CACNA1B: variants seen among roughly 807,000 people sequenced by gnomAD.
CACNA1B encodes calcium voltage-gated channel subunit alpha1 B.
CACNA1B carries 70 observed loss-of-function variants against 247.2 expected under a neutral mutation model. The ratio of observed to expected loss-of-function variants is 0.28; its 90% confidence interval spans 0.23 to 0.35. The LOEUF is 0.35. Among genes scored for constraint, CACNA1B ranks in the 10% least tolerant of loss-of-function variants. The probability of loss-of-function intolerance (pLI) is 1.00; values close to 1 mark genes in which losing one functional copy is unlikely to be tolerated. For synonymous variants in CACNA1B, 1,231 were observed against 1,294.4 expected (o/e 0.95, Z 1.05); for missense variants, 2,367 against 3,197.4 (o/e 0.74, Z 6.26).
Position 137,917,127 on chromosome 9 carries a change from G to T in CACNA1B, c.776-114G>T. The T allele has an allele frequency of 1.2e-6, 1 of 867,964 alleles. No homozygotes were observed. Among genetic ancestry groups the T allele is most frequent in the Non-Finnish European group, 1.8e-6 (1 of 562,640 alleles). 53.8% of individuals were successfully genotyped at this position (867,964 alleles called of 1,614,324 possible). On this transcript the variant is annotated intron_variant, in intron 5 of 46. Coordinates refer to ENST00000371372, the MANE Select transcript of CACNA1B (RefSeq NM_000718.4). The surrounding 1 kb of genome is among the most constrained non-coding windows in gnomAD (Gnocchi z 5.5). ...GGGAAGTTGAGGGAGAGTTTCTGTTGGTGGCTGGTTCCTGCCCACCTGCTG... is the reference window on the plus strand; with the variant it reads ...GGGAAGTTGAGGGAGAGTTTCTGTTTGTGGCTGGTTCCTGCCCACCTGCTG...
In CACNA1B at chr9:137,989,181, C is replaced by T. The variant is rs145730237; in HGVS notation, c.1974+2327C>T. The stretch of plus-strand genomic sequence containing the variant: ...ATCCTCCAAGGGGTAAAGGGGGAAC[C>T]AGTTAAAAACACAAAATTATGAAAA... On this transcript the variant is annotated intron_variant, in intron 15 of 46. Transcript: ENST00000371372. 3.0e-3 allele frequency among the ~76,000 whole-genome samples: 462 copies of T among 152,268 alleles called. 4 individuals are homozygous for T. Among genetic ancestry groups the T allele is most frequent in the Admixed American group, 0.028 (429 of 15,300 alleles).
intron 6 of CACNA1B, among the ~76,000 whole-genome samples, chr9:137,930,183 G>A (rs1957593398): frequency 6.6e-6 from 1 of 152,132 alleles, no homozygotes; most frequent in Admixed American, 6.6e-5. Context: ...TCACGCTGGG[G>A]GTTTAGATGA....
chr9:138,071,649 T>G (rs1564271970), intron 32 of CACNA1B, among the ~76,000 whole-genome samples: 1 of 152,126 alleles, frequency 6.6e-6, no homozygotes, highest in Admixed American at 6.5e-5. Flanking sequence ...CAGAAAGTGA[T>G]GGTGGCTGAG....
Position 137,913,269 on chromosome 9 carries a change from C to G in CACNA1B, c.620C>G (p.Pro207Arg). 1.2e-6 allele frequency: 2 copies of G among 1,612,646 alleles called. No homozygotes were observed. The highest frequency in any genetic ancestry group is 1.7e-6 in the Non-Finnish European group (2 of 1,178,788). ...LRPLKLVSGI[P>R]SLQVVLKSIM... ...CCCCTGAAGCTGGTGTCTGGGATTC[C>G]AAGTGAGTCCAGCGAAGACAGGCCC... Residue 207 changes from proline (P) to arginine (R), a missense_variant and splice_region_variant, in exon 4 of 47, where the codon CCA becomes CGA. Around this residue, in one of 12 missense-constraint regions of CACNA1B, gnomAD observed 130 missense variants for 338.7 expected, o/e 0.38. Transcript: ENST00000371372. The surrounding 1 kb of genome is among the most constrained non-coding windows in gnomAD (Gnocchi z 5.2).
chr9:137,913,342 T>C lies in CACNA1B; in HGVS notation c.622+71T>C. ...TCCTCTCCTACCCTCACCACGGACATGGCCATGGCCATGGTTTGGCTTTGG... is the reference window on the plus strand; with the variant it reads ...TCCTCTCCTACCCTCACCACGGACACGGCCATGGCCATGGTTTGGCTTTGG... On this transcript the variant is annotated intron_variant, in intron 4 of 46. Transcript: ENST00000371372. The surrounding 1 kb of genome is among the most constrained non-coding windows in gnomAD (Gnocchi z 5.2). The C allele has an allele frequency of 8.6e-7, 1 of 1,157,056 alleles. No individual in the cohort carries two copies. Among genetic ancestry groups the C allele is most frequent in the Non-Finnish European group, 1.3e-6 (1 of 784,232 alleles). 71.7% of individuals were successfully genotyped at this position (1,157,056 alleles called of 1,614,324 possible).
chr9:138,034,150 C>CCTTA (rs1959016007), intron 20 of CACNA1B, among the ~76,000 whole-genome samples: 1 of 152,154 alleles, frequency 6.6e-6, no homozygotes, highest in South Asian at 2.1e-4. Context: ...TGGAGATAGA[C>CCTTA]CTTATCACCT....
chr9:138,012,123 A>C lies in CACNA1B; in HGVS notation c.2161-1006A>C, dbSNP rs1958731727. The stretch of plus-strand genomic sequence containing the variant: ...CAGCCCTGAGGGCAGGAGCCATGTG[A>C]AGTTCAGGGCCAGGCACTGCAAGTG... On this transcript the variant is annotated intron_variant, in intron 17 of 46. Transcript: ENST00000371372. The surrounding 1 kb of genome is among the most constrained non-coding windows in gnomAD (Gnocchi z 4.2). 6.6e-6 allele frequency among the ~76,000 whole-genome samples: 1 copy of C among 152,194 alleles called. No homozygotes were observed. Among genetic ancestry groups the C allele is most frequent in the African/African-American group, 2.4e-5 (1 of 41,450 alleles).
rs1564300178 is a variant in CACNA1B, at chr9:138,121,755, A to G, written c.6776A>G (p.Tyr2259Cys). 6.2e-7 allele frequency: 1 copy of G among 1,613,182 alleles called. No homozygotes were observed. Among genetic ancestry groups the G allele is most frequent in the Non-Finnish European group, 8.5e-7 (1 of 1,179,828 alleles). The change falls in exon 47 of 47, where the codon TAC becomes TGC. Residue 2259 changes from tyrosine to cysteine, a missense_variant. Around this residue, in one of 12 missense-constraint regions of CACNA1B, gnomAD observed 773 missense variants for 779.4 expected, o/e 0.99. Transcript: ENST00000371372. This position sits in a 1 kb window ranked among gnomAD's most constrained non-coding sequence, Gnocchi z 6.8. ...APGSRIGSDPYLGQRLDSEAS... is the reference protein window; with the variant it reads ...APGSRIGSDPCLGQRLDSEAS... ...GGCTCTCGAATTGGCTCTGACCCTT[A>G]CCTGGGGCAGCGTCTGGACAGTGAG...
intron 13 of CACNA1B, among the ~76,000 whole-genome samples, chr9:137,984,626 A>G (rs1431933282): frequency 6.6e-6 from 1 of 152,078 alleles, no homozygotes; most frequent in African/African-American, 2.4e-5. Context: ...CCAGCCCCCA[A>G]GTCTGCCTAC....
Position 138,073,494 on chromosome 9 carries a change from T to G in CACNA1B, c.4681T>G (p.Phe1561Val). 3.1e-6 allele frequency: 5 copies of G among 1,608,624 alleles called. No homozygotes were observed. Among genetic ancestry groups the G allele is most frequent in the South Asian group, 1.1e-5 (1 of 90,946 alleles). The change falls in exon 33 of 47, where the codon TTC (phenylalanine) becomes GTC (valine). Residue 1561 changes from phenylalanine (F) to valine (V), a missense_variant. By Grantham distance (50) the Phe-to-Val change is conservative (BLOSUM62 -1). Transcript: ENST00000371372. This position sits in a 1 kb window ranked among gnomAD's most constrained non-coding sequence, Gnocchi z 6.4. ...LVTEIAETNNFINLSFLRLFR... is the reference protein window; with the variant it reads ...LVTEIAETNNVINLSFLRLFR... ...CAATTCCTCTTCTCTGCAGAACAAT[T>G]TCATCAACCTCAGCTTCCTCCGCCT...
At chr9:137,987,092 T>G (rs922566503) in intron 15 of CACNA1B, among the ~76,000 whole-genome samples, 1 of 152,188 alleles carries the variant, frequency 6.6e-6, no homozygotes, top group African/African-American at 2.4e-5. Context: ...GGCAGCACTG[T>G]AGGGAGCAAG....
intron 38 of CACNA1B, 149 bp from the exon 39 acceptor site, chr9:138,105,550 C>T (rs776384144): frequency 4.9e-5 from 29 of 592,104 alleles, no homozygotes; most frequent in Non-Finnish European, 8.3e-5. Context: ...GCAAAACTCC[C>T]ACCCGCCCCA....
intron 20 of CACNA1B, among the ~76,000 whole-genome samples, chr9:138,030,216 G>GT (rs1286559713): frequency 6.6e-6 from 1 of 151,008 alleles, no homozygotes; most frequent in Non-Finnish European, 1.5e-5. Context: ...TTGTTTGGTT[G>GT]TTTTTTGTTT....
At chr9:138,061,792 T>C (rs1190828776) in intron 31 of CACNA1B, among the ~76,000 whole-genome samples, 1 of 152,228 alleles carries the variant, frequency 6.6e-6, no homozygotes, top group African/African-American at 2.4e-5. Context: ...TGTTCTGATA[T>C]AATCAGCTTA....
intron 32 of CACNA1B, among the ~76,000 whole-genome samples, chr9:138,071,244 G>T (rs181058728): frequency 6.6e-6 from 1 of 152,202 alleles, no homozygotes; most frequent in African/African-American, 2.4e-5. Flanking sequence ...CATGTTGAGG[G>T]CACAATGCTG....
In CACNA1B at chr9:137,882,866, C is replaced by G. The variant is rs200076426; in HGVS notation, c.513C>G (p.Phe171Leu). The change falls in exon 3 of 47, where the codon TTC becomes TTG. Residue 171 changes from phenylalanine (F) to leucine (L), a missense_variant. By Grantham distance (22) the Phe-to-Leu change is conservative (BLOSUM62 0). This residue lies in a region of CACNA1B where 130 missense variants were observed against 338.7 expected (regional missense o/e 0.38). Coordinates refer to ENST00000371372, the MANE Select transcript of CACNA1B (RefSeq NM_000718.4). The surrounding 1 kb of genome is among the most constrained non-coding windows in gnomAD (Gnocchi z 4.0). ...GGAACGGCTGGAACGTCATGGACTT[C>G]GTGGTCGTCCTCACAGGGTAGGCAA... ...YLRNGWNVMD[F>L]VVVLTGILAT... 3 of 1,613,746 alleles carry G rather than the reference C, an allele frequency of 1.9e-6. No individual in the cohort carries two copies. The highest frequency in any genetic ancestry group is 2.5e-6 in the Non-Finnish European group (3 of 1,179,840).
chr9:137,930,025 G>A (rs765389940), intron 6 of CACNA1B, among the ~76,000 whole-genome samples: 4 of 152,034 alleles, frequency 2.6e-5, no homozygotes, highest in African/African-American at 4.8e-5. Flanking sequence ...TTGAACTCCT[G>A]GCCTCAAGTG....
rs1454011140 is a variant in CACNA1B, at chr9:138,102,290, A to C, written c.5223-421A>C. ...CAGCCACTGCCTCATCTGCCACCTG[A>C]CCCCGCCTGCCAGCTCTTCTGGCAG... On this transcript the variant is annotated intron_variant, in intron 37 of 46. Coordinates refer to ENST00000371372, the MANE Select transcript of CACNA1B (RefSeq NM_000718.4). This position sits in a 1 kb window ranked among gnomAD's most constrained non-coding sequence, Gnocchi z 5.4. Among the ~76,000 whole-genome samples the C allele has an allele frequency of 1.3e-5, 2 of 151,880 alleles. No homozygotes were observed. Among genetic ancestry groups the C allele is most frequent in the South Asian group, 2.1e-4 (1 of 4,800 alleles).
chr9:137,984,321 G>A, intron 13 of CACNA1B, 71 bp downstream of exon 13: 3 of 1,099,344 alleles, frequency 2.7e-6, no homozygotes, highest in Non-Finnish European at 2.7e-6. Flanking sequence ...CACACAGGGT[G>A]CTTGTCCCCA....
Sources: allele counts gnomAD v4.1 joint callset (sites outside exome capture counted in the v4.1 genomes callset), GRCh38; gene constraint gnomAD v4.1.1; regional missense constraint gnomAD v4.1.1; non-coding constraint Gnocchi (gnomAD v3.1); transcripts MANE v1.5; gene names NCBI Gene and HGNC (gene_info 2026-07-23, HGNC 2026-07-21).